Variants in IGBP1C observed in about 807,000 individuals in gnomAD.
IGBP1C encodes IGBP1 family member C, also known as immunoglobulin-binding protein 1 family member C.
the IGBP1C span, among the ~76,000 whole-genome samples, chr17:58,668,411 A>G: frequency 1.3e-5 from 2 of 152,208 alleles, no homozygotes; most frequent in African/African-American, 4.8e-5. Flanking sequence ...TGCAGTAACT[A>G]TAAACCCCTG....
chr17:58,673,042 T>C, the IGBP1C span, among the ~76,000 whole-genome samples: 8 of 152,048 alleles, frequency 5.3e-5, no homozygotes, highest in African/African-American at 1.9e-4. Flanking sequence ...GGCATTCCTT[T>C]TATACATACT....
the IGBP1C span, among the ~76,000 whole-genome samples, chr17:58,683,114 T>G: frequency 6.7e-6 from 1 of 150,012 alleles, no homozygotes; most frequent in East Asian, 2.0e-4. Context: ...GGCTCACGCC[T>G]GTAATCCCAG....
the IGBP1C span, among the ~76,000 whole-genome samples, chr17:58,668,813 G>A: frequency 6.6e-6 from 1 of 152,312 alleles, no homozygotes; most frequent in African/African-American, 2.4e-5. Flanking sequence ...AAGGGCTCTA[G>A]TCACCCACCC....
the IGBP1C span, among the ~76,000 whole-genome samples, chr17:58,683,961 AGGC>A: frequency 6.6e-6 from 1 of 151,754 alleles, no homozygotes; most frequent in Non-Finnish European, 1.5e-5. Flanking sequence ...GCTACTCGGG[AGGC>A]TGAGGCAGAA....
chr17:58,679,110 C>T, the IGBP1C span, among the ~76,000 whole-genome samples: 1 of 151,836 alleles, frequency 6.6e-6, no homozygotes, highest in Non-Finnish European at 1.5e-5. Flanking sequence ...GCTGAGATTG[C>T]GCCATTGTAC....
At chr17:58,669,459 G>A in the IGBP1C span, among the ~76,000 whole-genome samples, 2 of 152,040 alleles carry the variant, frequency 1.3e-5, no homozygotes, top group Non-Finnish European at 2.9e-5. Flanking sequence ...GCTGCTGGGC[G>A]TGGTGGCTCA....
chr17:58,674,002 G>A, the IGBP1C span, among the ~76,000 whole-genome samples: 7 of 152,106 alleles, frequency 4.6e-5, no homozygotes, highest in East Asian at 3.9e-4. Context: ...GGCCGGGTGC[G>A]GTGTCTCCCA....
At chr17:58,661,368 G>T in the IGBP1C span, 1 of 925,266 alleles carries the variant, frequency 1.1e-6, no homozygotes, top group Non-Finnish European at 1.8e-6. Flanking sequence ...AGGTACTTCA[G>T]GTCGGTGGAA....
At chr17:58,690,433 T>C in the IGBP1C span, among the ~76,000 whole-genome samples, 1 of 152,220 alleles carries the variant, frequency 6.6e-6, no homozygotes, top group Non-Finnish European at 1.5e-5. Context: ...CCCAAAGTGC[T>C]TGGATTCCAG....
chr17:58,685,944 G>A, the IGBP1C span, among the ~76,000 whole-genome samples: 1 of 135,176 alleles, frequency 7.4e-6, no homozygotes, highest in Non-Finnish European at 1.5e-5. Flanking sequence ...GCAGTGAGCC[G>A]AGATCACACC....
At chr17:58,667,272 T>C in the IGBP1C span, among the ~76,000 whole-genome samples, 1 of 152,188 alleles carries the variant, frequency 6.6e-6, no homozygotes, top group African/African-American at 2.4e-5. Flanking sequence ...TGGACTGCAA[T>C]ATAGCGTTCA....
chr17:58,688,283 G>C, the IGBP1C span, among the ~76,000 whole-genome samples: 1 of 151,846 alleles, frequency 6.6e-6, no homozygotes, highest in Non-Finnish European at 1.5e-5. Flanking sequence ...ACCACCCCCA[G>C]TTAATTTTGT....
chr17:58,680,971 G>A, the IGBP1C span, among the ~76,000 whole-genome samples: 1 of 152,016 alleles, frequency 6.6e-6, no homozygotes. Flanking sequence ...TTTACAAAAG[G>A]AAGAAATAAT....
At chr17:58,684,564 G>A in the IGBP1C span, among the ~76,000 whole-genome samples, 1 of 151,598 alleles carries the variant, frequency 6.6e-6, no homozygotes. Context: ...GAACCAGGGA[G>A]GCAGTGGTGG....
At chr17:58,679,431 A>G in the IGBP1C span, 1 of 140,232 alleles carries the variant, frequency 7.1e-6, no homozygotes, top group Non-Finnish European at 1.7e-5. Flanking sequence ...AGAAGGCATC[A>G]ATCTCTCGCT....
the IGBP1C span, chr17:58,677,610 A>G: frequency 1.3e-5 from 2 of 152,258 alleles, no homozygotes; most frequent in African/African-American, 4.8e-5. Context: ...CACTACCACA[A>G]ATTATGCAGT....
the IGBP1C span, among the ~76,000 whole-genome samples, chr17:58,678,964 G>A: frequency 2.0e-5 from 3 of 151,898 alleles, no homozygotes; most frequent in African/African-American, 7.3e-5. Context: ...GACCAGCCTG[G>A]CCAACATGGT....
chr17:58,678,163 A>T, the IGBP1C span, among the ~76,000 whole-genome samples: 1 of 152,116 alleles, frequency 6.6e-6, no homozygotes, highest in African/African-American at 2.4e-5. Flanking sequence ...GGGGAAAAAA[A>T]AGGGAAGTTT....
the IGBP1C span, chr17:58,666,651 G>GA: frequency 2.0e-5 from 3 of 152,186 alleles, no homozygotes; most frequent in East Asian, 1.9e-4. Flanking sequence ...CACACACAGG[G>GA]AAAAACCACC....
Sources: allele counts gnomAD v4.1 joint callset (sites outside exome capture counted in the v4.1 genomes callset), GRCh38; gene constraint gnomAD v4.1.1; transcripts MANE v1.5; gene names NCBI Gene and HGNC (gene_info 2026-07-23, HGNC 2026-07-21).